The following LAMA3 variants were observed in gnomAD, a reference collection of about 807,000 sequenced individuals.
LAMA3 encodes the protein laminin subunit alpha 3.
A neutral mutation model predicts 402.0 loss-of-function variants in LAMA3; 281 were observed. That is an observed-to-expected ratio of 0.70 (90% CI 0.63 to 0.77). LAMA3 has a LOEUF of 0.77. Among genes scored for constraint, LAMA3 ranks in the 30% least tolerant of loss-of-function variants. The pLI is 0.00. For missense variants in LAMA3, 3,840 were observed against 4,215.5 expected (o/e 0.91, Z 2.47); for synonymous variants, 1,431 against 1,558.4 (o/e 0.92, Z 1.93).
chr18:23,719,340 T>C (rs952647004), intron 2 of LAMA3, among the ~76,000 whole-genome samples: 1 of 151,848 alleles, frequency 6.6e-6, no homozygotes, highest in African/African-American at 2.4e-5. Context: ...AATAAATAAA[T>C]AAACAAATAA....
Position 23,918,005 on chromosome 18 carries a change from T to A in LAMA3, c.7923+1310T>A, listed in dbSNP as rs1002320664. The stretch of plus-strand genomic sequence containing the variant: ...GTCTAGAATAGGTTTTCTTCAAGGG[T>A]TTTTTTTTATAGTTTTAGGTTTTAC... On this transcript the variant is annotated intron_variant, in intron 60 of 74. Coordinates refer to ENST00000313654, the MANE Select transcript of LAMA3 (RefSeq NM_198129.4). The surrounding 1 kb of genome is among the most constrained non-coding windows in gnomAD (Gnocchi z 4.1). 6.6e-6 allele frequency among the ~76,000 whole-genome samples: 1 copy of A among 150,614 alleles called. No individual in the cohort carries two copies. The highest frequency in any genetic ancestry group is 2.1e-4 in the South Asian group (1 of 4,786).
intron 27 of LAMA3, among the ~76,000 whole-genome samples, chr18:23,841,919 C>T (rs1404731842): frequency 6.6e-6 from 1 of 151,438 alleles, no homozygotes; most frequent in Non-Finnish European, 1.5e-5. Flanking sequence ...GAGACCTCGT[C>T]CCTTAAAAAA....
chr18:23,918,085 G>A lies in LAMA3; in HGVS notation c.7923+1390G>A, dbSNP rs1347568026. 1.3e-5 allele frequency among the ~76,000 whole-genome samples: 2 copies of A among 152,060 alleles called. No individual in the cohort carries two copies. Among genetic ancestry groups the A allele is most frequent in the Non-Finnish European group, 2.9e-5 (2 of 68,012 alleles). On this transcript the variant is annotated intron_variant, in intron 60 of 74. Transcript: ENST00000313654. This position sits in a 1 kb window ranked among gnomAD's most constrained non-coding sequence, Gnocchi z 4.1. ...TTTTTGCATATGGTGAAAGGAAGGG[G>A]TCCAGTTTCAGTCTTGTGCATATGA...
At position 23,753,712 on chromosome 18, in the gene LAMA3, G is replaced by C. The variant is rs367562119; in HGVS notation, c.856-9G>C. 9 of 1,606,412 alleles carry C rather than the reference G, an allele frequency of 5.6e-6. No individual in the cohort carries two copies. The African/African-American group carries it at 1.2e-4, about 21-fold the overall frequency. ...GTGAAACTTGCATGTTCTGTGTTCT[G>C]TTGTGCAGTATTATTACAGCATAAA... On this transcript the variant is annotated splice_polypyrimidine_tract_variant and intron_variant, in intron 5 of 74. Transcript: ENST00000313654.
At chr18:23,781,906 T>C (rs892131863) in intron 11 of LAMA3, among the ~76,000 whole-genome samples, 1 of 152,250 alleles carries the variant, frequency 6.6e-6, no homozygotes, top group Admixed American at 6.5e-5. Context: ...CTTCCAATGC[T>C]GTTTTTGTCA....
At chr18:23,914,171 A>G (rs535056390) in intron 56 of LAMA3, among the ~76,000 whole-genome samples, 1 of 152,322 alleles carries the variant, frequency 6.6e-6, no homozygotes, top group East Asian at 1.9e-4. Flanking sequence ...ACATATTTGT[A>G]GATTGAGTGA....
At position 23,914,407 on chromosome 18, in the gene LAMA3, C is replaced by T. The variant is rs747857814; in HGVS notation, c.7330-3C>T. On this transcript the variant is annotated splice_region_variant and splice_polypyrimidine_tract_variant and intron_variant, in intron 56 of 74. Transcript: ENST00000313654. Reference sequence around the variant, plus strand: ...GTGTTCTGAGGTGGCCCTTTGTCTCCAGGCCTCCCGGGACTACATCGGCAT... The same window carrying T: ...GTGTTCTGAGGTGGCCCTTTGTCTCTAGGCCTCCCGGGACTACATCGGCAT... 1 of 1,614,110 alleles carries T rather than the reference C, an allele frequency of 6.2e-7. No individual in the cohort carries two copies. Among genetic ancestry groups the T allele is most frequent in the African/African-American group, 1.3e-5 (1 of 75,026 alleles).
chr18:23,921,574 A>C lies in LAMA3; in HGVS notation c.8166A>C (p.Ala2722=), dbSNP rs772195791. 11 of 1,613,876 alleles carry C rather than the reference A, an allele frequency of 6.8e-6. No individual in the cohort carries two copies. Among genetic ancestry groups the C allele is most frequent in the Non-Finnish European group, 3.4e-6 (4 of 1,179,940 alleles). Reference sequence around the variant, plus strand: ...ATTATCTGGGAGGAATTCCAATTGCAATCAGGGAAAGGTAAGATGATTTTT... The same window carrying C: ...ATTATCTGGGAGGAATTCCAATTGCCATCAGGGAAAGGTAAGATGATTTTT... ...STYYLGGIPI[A]IRERFNISTP... is the part of the protein sequence containing the mutation. The change falls in exon 62 of 75, where the codon GCA becomes GCC. Residue 2722 remains alanine, a synonymous_variant. Transcript: ENST00000313654.
chr18:23,901,365 A>G, intron 48 of LAMA3, 42 bp downstream of exon 48: 1 of 1,528,020 alleles, frequency 6.5e-7, no homozygotes, highest in Non-Finnish European at 9.1e-7. Context: ...GTTAATAAGG[A>G]TGAGAGAAGC....
chr18:23,701,040 TG>T (rs2060782087), intron 1 of LAMA3, among the ~76,000 whole-genome samples: 2 of 152,182 alleles, frequency 1.3e-5, no homozygotes, highest in Non-Finnish European at 2.9e-5. Flanking sequence ...AAATCTATTT[TG>T]GTAAGAAAGT....
At chr18:23,901,349 A>G (rs529175283) in intron 48 of LAMA3, 26 bp downstream of exon 48, 21 of 1,583,046 alleles carry the variant, frequency 1.3e-5, no homozygotes, top group African/African-American at 9.4e-5. Flanking sequence ...GAAGTTGCAC[A>G]CTTTCGTTAA....
intron 12 of LAMA3, among the ~76,000 whole-genome samples, chr18:23,801,508 G>A (rs2062866088): frequency 6.6e-6 from 1 of 152,056 alleles, no homozygotes; most frequent in Non-Finnish European, 1.5e-5. Flanking sequence ...ACCTCCATGG[G>A]GGCACAGGTG....
chr18:23,745,996 T>G (rs975544770), intron 2 of LAMA3, among the ~76,000 whole-genome samples: 2 of 152,246 alleles, frequency 1.3e-5, no homozygotes, highest in African/African-American at 4.8e-5. Flanking sequence ...CATGAATTCT[T>G]GGATTTCCTA....
intron 22 of LAMA3, 95 bp downstream of exon 22, chr18:23,826,894 C>T (rs1220443948): frequency 4.6e-5 from 34 of 745,560 alleles, no homozygotes; most frequent in South Asian, 2.3e-4. Context: ...AGGATCACAA[C>T]GACAGCATGA....
At chr18:23,876,254 T>G (rs894068734) in intron 38 of LAMA3, 40 bp from the exon 39 acceptor site, 2 of 1,339,338 alleles carry the variant, frequency 1.5e-6, no homozygotes, top group Middle Eastern at 1.8e-4. Context: ...GTAATTGTTT[T>G]CTTTCTTTGT....
In LAMA3 at chr18:23,810,371, T is replaced by TG; in HGVS notation, c.1611dup (p.Cys538ValfsTer19). 6.2e-7 allele frequency: 1 copy of TG among 1,614,152 alleles called. No individual in the cohort carries two copies. The highest frequency in any genetic ancestry group is 2.2e-5 in the East Asian group (1 of 44,876). On this transcript the variant is annotated frameshift_variant, in exon 13 of 75. Coordinates refer to ENST00000313654, the MANE Select transcript of LAMA3 (RefSeq NM_198129.4). LOFTEE classifies it high-confidence loss of function. ...GATTGAATTCTTTCATCCAGCCTGC[T>TG]GGTGTTCAGCCCTTGGATCCTACCA...
chr18:23,843,170 T>C (rs545984148), intron 29 of LAMA3, among the ~76,000 whole-genome samples: 20 of 152,256 alleles, frequency 1.3e-4, no homozygotes, highest in African/African-American at 4.8e-4. Context: ...CATTGTGTCA[T>C]TTCTCCTTGG....
intron 9 of LAMA3, 26 bp downstream of exon 9, chr18:23,773,613 T>G: frequency 6.8e-7 from 1 of 1,469,090 alleles, no homozygotes; most frequent in East Asian, 2.4e-5. Flanking sequence ...AGTTGGTGTA[T>G]CTTAGCCTGT....
chr18:23,816,475 AG>A lies in LAMA3; in HGVS notation c.2137del (p.Val713CysfsTer17). 1 of 1,613,928 alleles carries A rather than the reference AG, an allele frequency of 6.2e-7. No homozygotes were observed. The highest frequency in any genetic ancestry group is 1.1e-5 in the South Asian group (1 of 91,066). On this transcript the variant is annotated frameshift_variant, in exon 18 of 75. Coordinates refer to ENST00000313654, the MANE Select transcript of LAMA3 (RefSeq NM_198129.4). LOFTEE classifies it high-confidence loss of function. The part of the protein sequence containing the change: ...VCQCREHVVG[K>X]VCQRPENNYY... ...CAGTGCCGAGAGCATGTCGTGGGAA[AG>A]GTGTGCCAGCGGTGAGTCTTCGGGA...
Sources: allele counts gnomAD v4.1 joint callset (sites outside exome capture counted in the v4.1 genomes callset), GRCh38; gene constraint gnomAD v4.1.1; non-coding constraint Gnocchi (gnomAD v3.1); transcripts MANE v1.5; gene names NCBI Gene and HGNC (gene_info 2026-07-23, HGNC 2026-07-21).